Variants in PRR20G observed in about 807,000 individuals in gnomAD.
PRR20G encodes proline-rich protein 20G.
intron 2 of PRR20G, among the ~76,000 whole-genome samples, chr3:127,285,584 T>C (rs1328410272): frequency 6.6e-6 from 1 of 152,222 alleles, no homozygotes; most frequent in African/African-American, 2.4e-5. Flanking sequence ...GATCCTTCCC[T>C]GGGAAACCTG....
In PRR20G at chr3:127,287,371, A is replaced by C. The variant is rs2080392408; in HGVS notation, c.-6T>G. Among the ~76,000 whole-genome samples the C allele has an allele frequency of 6.6e-6, 1 of 152,194 alleles. No individual in the cohort carries two copies. The highest frequency in any genetic ancestry group is 1.5e-5 in the Non-Finnish European group (1 of 68,026). ...GAGTGCCTTGGTTCCTCCATGAGGAATCTGCGGGAGTGGGTGGGGAGGAAA... is the reference window on the plus strand; with the variant it reads ...GAGTGCCTTGGTTCCTCCATGAGGACTCTGCGGGAGTGGGTGGGGAGGAAA... On this transcript the variant is annotated splice_region_variant and 5_prime_UTR_variant, in exon 2 of 3. Transcript: ENST00000465482.
Position 127,287,909 on chromosome 3 carries a change from G to A in PRR20G, c.-38C>T, listed in dbSNP as rs1217845446. 1.3e-5 allele frequency among the ~76,000 whole-genome samples: 2 copies of A among 151,846 alleles called. No individual in the cohort carries two copies. Among genetic ancestry groups the A allele is most frequent in the African/African-American group, 2.4e-5 (1 of 41,410 alleles). ...CTCCCTGCAGCTGGCTCTCTTCTAT[G>A]GGGAGAGGCCTGAGGAGCTGGAGGT... On this transcript the variant is annotated 5_prime_UTR_variant, in exon 1 of 3. Coordinates refer to ENST00000465482, the MANE Select transcript of PRR20G (RefSeq NM_001362810.2).
chr3:127,286,572 G>A (rs1026407908), intron 2 of PRR20G, among the ~76,000 whole-genome samples: 5 of 152,264 alleles, frequency 3.3e-5, no homozygotes, highest in Non-Finnish European at 5.9e-5. Flanking sequence ...CTTATCATAC[G>A]TAGATCGAGA....
chr3:127,284,652 G>A lies in PRR20G; in HGVS notation c.53-12C>T. On this transcript the variant is annotated splice_polypyrimidine_tract_variant and intron_variant, in intron 2 of 2. Coordinates refer to ENST00000465482, the MANE Select transcript of PRR20G (RefSeq NM_001362810.2). ...AGGCCCACCTGAAGCTAAAAGAGAA[G>A]CAGAGTGTAAGGAGATGGAGTAGGG... 6.4e-6 allele frequency: 1 copy of A among 156,508 alleles called. No homozygotes were observed. 9.7% of individuals were successfully genotyped at this position (156,508 alleles called of 1,614,324 possible).
At chr3:127,286,949 G>A (rs1239498736) in intron 2 of PRR20G, among the ~76,000 whole-genome samples, 1 of 152,182 alleles carries the variant, frequency 6.6e-6, no homozygotes, top group Non-Finnish European at 1.5e-5. Flanking sequence ...CCTGGGCGGT[G>A]GGGGAGGGGC....
intron 2 of PRR20G, among the ~76,000 whole-genome samples, chr3:127,286,734 C>A (rs1317513632): frequency 6.6e-6 from 1 of 152,212 alleles, no homozygotes; most frequent in Non-Finnish European, 1.5e-5. Context: ...TGGGAGGTGA[C>A]TCAGAGCAGC....
intron 2 of PRR20G, among the ~76,000 whole-genome samples, chr3:127,285,332 C>T (rs1464253746): frequency 1.3e-5 from 2 of 151,772 alleles, no homozygotes; most frequent in Admixed American, 6.6e-5. Context: ...AAGGCAAAGG[C>T]GGGAGAGGAT....
chr3:127,286,578 C>G (rs1039744625), intron 2 of PRR20G, among the ~76,000 whole-genome samples: 3 of 152,064 alleles, frequency 2.0e-5, no homozygotes, highest in Admixed American at 6.6e-5. Flanking sequence ...ATACGTAGAT[C>G]GAGACATAGT....
At chr3:127,284,855 A>G (rs1017358325) in intron 2 of PRR20G, among the ~76,000 whole-genome samples, 1 of 152,210 alleles carries the variant, frequency 6.6e-6, no homozygotes, top group Non-Finnish European at 1.5e-5. Flanking sequence ...AGTCCTTGCA[A>G]TGACCTTGTC....
chr3:127,285,510 G>A (rs563091774), intron 2 of PRR20G, among the ~76,000 whole-genome samples: 3 of 152,160 alleles, frequency 2.0e-5, no homozygotes, highest in Admixed American at 6.5e-5. Context: ...CAGGAAGTCC[G>A]AAACTAGACA....
At position 127,287,911 on chromosome 3, in the gene PRR20G, G is replaced by C. The variant is rs2080394954; in HGVS notation, c.-40C>G. Among the ~76,000 whole-genome samples the C allele has an allele frequency of 6.6e-6, 1 of 151,748 alleles. No homozygotes were observed. Among genetic ancestry groups the C allele is most frequent in the African/African-American group, 2.4e-5 (1 of 41,390 alleles). On this transcript the variant is annotated 5_prime_UTR_variant, in exon 1 of 3. Coordinates refer to ENST00000465482, the MANE Select transcript of PRR20G (RefSeq NM_001362810.2). The stretch of plus-strand genomic sequence containing the variant: ...CCCTGCAGCTGGCTCTCTTCTATGG[G>C]GAGAGGCCTGAGGAGCTGGAGGTGT...
intron 2 of PRR20G, among the ~76,000 whole-genome samples, chr3:127,284,873 T>C (rs1300109549): frequency 4.6e-5 from 7 of 152,222 alleles, no homozygotes; most frequent in Non-Finnish European, 1.0e-4. Context: ...GTCAGTCAGA[T>C]ATTATGATTG....
intron 2 of PRR20G, among the ~76,000 whole-genome samples, chr3:127,284,939 T>C (rs1163784962): frequency 6.6e-6 from 1 of 152,138 alleles, no homozygotes; most frequent in Non-Finnish European, 1.5e-5. Context: ...TGAGTTTGAA[T>C]AAAAATGACA....
intron 2 of PRR20G, among the ~76,000 whole-genome samples, chr3:127,286,926 T>C (rs1373293119): frequency 6.6e-6 from 1 of 152,072 alleles, no homozygotes; most frequent in Non-Finnish European, 1.5e-5. Context: ...GTAATCCTAG[T>C]GTCCTACTGG....
intron 2 of PRR20G, among the ~76,000 whole-genome samples, chr3:127,285,594 G>A (rs1404990875): frequency 1.3e-5 from 2 of 152,198 alleles, no homozygotes; most frequent in Non-Finnish European, 2.9e-5. Context: ...TGGGAAACCT[G>A]TGTAGCCTAA....
rs569318297 is a variant in PRR20G at position 127,288,021 on chromosome 3, G to A, written c.-150C>T. Among the ~76,000 whole-genome samples the A allele has an allele frequency of 4.1e-4, 62 of 152,266 alleles. No individual in the cohort carries two copies. Among genetic ancestry groups the A allele is most frequent in the Middle Eastern group, 3.4e-3 (1 of 294 alleles). On this transcript the variant is annotated 5_prime_UTR_variant, in exon 1 of 3. Coordinates refer to ENST00000465482, the MANE Select transcript of PRR20G (RefSeq NM_001362810.2). Reference sequence around the variant, plus strand: ...TAGGAGGGAGCACCCAGCAGTCCTAGTTCGGAGCCCGGCAGAAAGCTGACT... The same window carrying A: ...TAGGAGGGAGCACCCAGCAGTCCTAATTCGGAGCCCGGCAGAAAGCTGACT...
chr3:127,285,528 A>G (rs2080382923), intron 2 of PRR20G, among the ~76,000 whole-genome samples: 1 of 152,230 alleles, frequency 6.6e-6, no homozygotes, highest in South Asian at 2.1e-4. Context: ...ACAAACGTCT[A>G]CAGAAATTTT....
chr3:127,287,874 C>T lies in PRR20G; in HGVS notation c.-8+5G>A, dbSNP rs948823442. On this transcript the variant is annotated splice_donor_5th_base_variant and intron_variant, in intron 1 of 2. Coordinates refer to ENST00000465482, the MANE Select transcript of PRR20G (RefSeq NM_001362810.2). ...CCCACCCCTCAGGGACACCCAGACACACACCTGATCTCCCTGCAGCTGGCT... is the reference window on the plus strand; with the variant it reads ...CCCACCCCTCAGGGACACCCAGACATACACCTGATCTCCCTGCAGCTGGCT... Among the ~76,000 whole-genome samples the T allele has an allele frequency of 1.3e-5, 2 of 152,168 alleles. No homozygotes were observed. Among genetic ancestry groups the T allele is most frequent in the Non-Finnish European group, 2.9e-5 (2 of 68,024 alleles).
intron 2 of PRR20G, among the ~76,000 whole-genome samples, chr3:127,286,689 C>T (rs1188960519): frequency 6.6e-6 from 1 of 152,102 alleles, no homozygotes; most frequent in East Asian, 1.9e-4. Flanking sequence ...AGGAATTTCC[C>T]AGATGATGTG....
Sources: allele counts gnomAD v4.1 joint callset (sites outside exome capture counted in the v4.1 genomes callset), GRCh38; gene constraint gnomAD v4.1.1; transcripts MANE v1.5; gene names NCBI Gene and HGNC (gene_info 2026-07-23, HGNC 2026-07-21).